FANCA: variants seen among roughly 807,000 people sequenced by gnomAD.
The protein encoded by FANCA is Fanconi anemia group A protein.
Under a neutral mutation model 194.3 loss-of-function variants are expected in FANCA, and 236 were observed. The ratio of observed to expected loss-of-function variants is 1.21; its 90% CI spans 1.09 to 1.35. The LOEUF is 1.35. FANCA is among the 40% of genes most tolerant of loss of function. The pLI, the probability that FANCA is intolerant of heterozygous loss-of-function variation, is 0.00. For missense variants in FANCA, 2,628 were observed against 1,813.9 expected (o/e 1.45, Z -8.15); for synonymous variants, 1,014 against 715.8 (o/e 1.42, Z -6.65).
chr16:89,748,333 G>T (rs2038462080), intron 33 of FANCA, among the ~76,000 whole-genome samples: 1 of 152,220 alleles, frequency 6.6e-6, no homozygotes, highest in South Asian at 2.1e-4. Context: ...AGCATGTTGA[G>T]ATTAGAAATA....
At chr16:89,765,697 G>T (rs554658340) in intron 27 of FANCA, among the ~76,000 whole-genome samples, 1 of 152,390 alleles carries the variant, frequency 6.6e-6, no homozygotes, top group South Asian at 2.1e-4. Flanking sequence ...TGCCCCCGAG[G>T]AGATGAGAGC....
At chr16:89,744,651 C>CA (rs1800656305) in intron 36 of FANCA, 3 of 403,534 alleles carry the variant, frequency 7.4e-6, no homozygotes, top group East Asian at 1.1e-4. Flanking sequence ...TCAGACGAGA[C>CA]ACTGGCAGAG....
rs1447363475 is a variant in FANCA, at chr16:89,795,941, A to C, written c.971T>G (p.Leu324Arg). 10 of 1,614,148 alleles carry C rather than the reference A, an allele frequency of 6.2e-6. No individual in the cohort carries two copies. The highest frequency in any genetic ancestry group is 8.5e-6 in the Non-Finnish European group (10 of 1,179,984). ...DPLKRFFSHT[L>R]TQILTHSPVL... ...AGGGCTGTGAGTGAGTATCTGAGTC[A>C]GGGTATGACTGAAGAACCTCTTCAG... Residue 324 changes from leucine (L) to arginine (R), a missense_variant, in exon 11 of 43, where the codon CTG becomes CGG. Coordinates refer to ENST00000389301, the MANE Select transcript of FANCA (RefSeq NM_000135.4).
chr16:89,799,086 G>C lies in FANCA; in HGVS notation c.893+80C>G, dbSNP rs754305250. Reference sequence around the variant, plus strand: ...GGAGCGGGCTGCTGAAGCTCTGGAAGTGTTTAAAATATCTTGGCTCTTTAA... The same window carrying C: ...GGAGCGGGCTGCTGAAGCTCTGGAACTGTTTAAAATATCTTGGCTCTTTAA... On this transcript the variant is annotated intron_variant, in intron 10 of 42. Coordinates refer to ENST00000389301, the MANE Select transcript of FANCA (RefSeq NM_000135.4). 2.5e-6 allele frequency: 4 copies of C among 1,614,222 alleles called. No individual in the cohort carries two copies. The South Asian group carries it at 3.3e-5, about 13-fold the overall frequency.
At chr16:89,796,533 G>T (rs2040254398) in intron 10 of FANCA, among the ~76,000 whole-genome samples, 1 of 152,190 alleles carries the variant, frequency 6.6e-6, no homozygotes, top group Non-Finnish European at 1.5e-5. Flanking sequence ...GGTTTCCTGG[G>T]CCATCTGTGT....
In FANCA at chr16:89,739,183, T is replaced by C. The variant is rs753944130; in HGVS notation, c.4117A>G (p.Thr1373Ala). 1.5e-5 allele frequency: 24 copies of C among 1,614,028 alleles called. No individual in the cohort carries two copies. In the Admixed American group the frequency reaches 3.8e-4, roughly 26 times the overall value. ...KLVQLFVAGD[T>A]STVSPPAGRS... ...CCAGCTGGAGGTGAAACTGTGCTTG[T>C]ATCCCCAGCCACGAAGAGCTGGACC... is the stretch of plus-strand genomic sequence containing the variant. The change falls in exon 41 of 43, where the codon ACA becomes GCA. Residue 1373 changes from threonine (T) to alanine (A), a missense_variant. Transcript: ENST00000389301.
chr16:89,757,158 A>G (rs894347129), intron 30 of FANCA, among the ~76,000 whole-genome samples: 8 of 151,542 alleles, frequency 5.3e-5, no homozygotes, highest in Non-Finnish European at 1.2e-4. Context: ...TTTTTTGTCT[A>G]GACGGTTTCA....
chr16:89,811,040 C>CA lies in FANCA; in HGVS notation c.314dup (p.Val107GlyfsTer14). 6.2e-7 allele frequency: 1 copy of CA among 1,614,060 alleles called. No individual in the cohort carries two copies. Among genetic ancestry groups the CA allele is most frequent in the Non-Finnish European group, 8.5e-7 (1 of 1,180,038 alleles). On this transcript the variant is annotated frameshift_variant, in exon 4 of 43. Transcript: ENST00000389301. LOFTEE classifies it high-confidence loss of function. ...CTGAGAGAATACCCACGGGAACCCC[C>CA]AGCCTTGAGGCTTGATCCTGCAAAG...
At position 89,799,190 on chromosome 16, in the gene FANCA, G is replaced by T. The variant is rs185984960; in HGVS notation, c.869C>A (p.Ser290Tyr). The change falls in exon 10 of 43, where the codon TCC becomes TAC. Residue 290 changes from serine to tyrosine, a missense_variant. Transcript: ENST00000389301. ...CCAGCACCTCACGATCTTGTGAGTGGAGGACTCCTCCTGTACTCCAGCAGC... is the reference window on the plus strand; with the variant it reads ...CCAGCACCTCACGATCTTGTGAGTGTAGGACTCCTCCTGTACTCCAGCAGC... ...ALAAGVQEES[S>Y]THKIVRCWFG... The T allele has an allele frequency of 6.3e-5, 102 of 1,614,156 alleles. No individual in the cohort carries two copies. The highest frequency in any genetic ancestry group is 8.1e-5 in the Non-Finnish European group (96 of 1,180,044).
At position 89,738,164 on chromosome 16, in the gene FANCA, C is replaced by T. The variant is rs747111210; in HGVS notation, c.*437G>A. 8.1e-6 allele frequency: 13 copies of T among 1,613,130 alleles called. No individual in the cohort carries two copies. Among genetic ancestry groups the T allele is most frequent in the Non-Finnish European group, 1.1e-5 (13 of 1,179,920 alleles). ...ACACAGACCCAGGACAAGGCCCTGCCCCTGGAGGCGGAACCACCACCTGGG... is the reference window on the plus strand; with the variant it reads ...ACACAGACCCAGGACAAGGCCCTGCTCCTGGAGGCGGAACCACCACCTGGG... On this transcript the variant is annotated 3_prime_UTR_variant, in exon 43 of 43. Coordinates refer to ENST00000389301, the MANE Select transcript of FANCA (RefSeq NM_000135.4).
chr16:89,752,681 G>A (rs1178703436), intron 30 of FANCA, among the ~76,000 whole-genome samples: 2 of 152,202 alleles, frequency 1.3e-5, no homozygotes, highest in African/African-American at 2.4e-5. Context: ...ACAGAGATAG[G>A]AGCTGAGGGG....
intron 5 of FANCA, among the ~76,000 whole-genome samples, chr16:89,809,938 A>G (rs2040811312): frequency 6.6e-6 from 1 of 152,118 alleles, no homozygotes; most frequent in South Asian, 2.1e-4. Context: ...AGGCAGGACA[A>G]TCGCTTGAAC....
chr16:89,799,275 G>A (rs1472291485), intron 9 of FANCA, 43 bp from the exon 10 acceptor site: 2 of 1,610,602 alleles, frequency 1.2e-6, no homozygotes, highest in South Asian at 1.1e-5. Flanking sequence ...TCAGCACACG[G>A]CGGCAGCCCA....
At chr16:89,767,265 T>G in intron 26 of FANCA, 28 bp from the exon 27 acceptor site, 1 of 1,479,128 alleles carries the variant, frequency 6.8e-7, no homozygotes, top group Non-Finnish European at 9.4e-7. Context: ...AACATATAAA[T>G]GTAATCCATA....
chr16:89,794,596 T>A (rs1018898105), intron 11 of FANCA, among the ~76,000 whole-genome samples: 2 of 152,124 alleles, frequency 1.3e-5, no homozygotes, highest in Admixed American at 6.6e-5. Context: ...ATGGTGGGGA[T>A]GCTGTTCAAA....
intron 28 of FANCA, among the ~76,000 whole-genome samples, chr16:89,762,948 A>AAG (rs2039002490): frequency 3.8e-5 from 1 of 26,500 alleles, no homozygotes; most frequent in Non-Finnish European, 5.6e-5. Context: ...TAAAAATACG[A>AAG]AAAAAAAAAA....
intron 11 of FANCA, 93 bp from the exon 12 acceptor site, chr16:89,792,640 C>A: frequency 9.6e-7 from 1 of 1,044,724 alleles, no homozygotes; most frequent in Non-Finnish European, 1.5e-6. Context: ...CGGTGGGTCT[C>A]TCCCCGTGTG....
chr16:89,749,051 G>T (rs1407252205), intron 32 of FANCA, among the ~76,000 whole-genome samples: 1 of 152,202 alleles, frequency 6.6e-6, no homozygotes, highest in Non-Finnish European at 1.5e-5. Context: ...TAACCAAGTG[G>T]ATGACGCACC....
At chr16:89,805,075 T>C (rs1191082903) in intron 7 of FANCA, among the ~76,000 whole-genome samples, 1 of 152,034 alleles carries the variant, frequency 6.6e-6, no homozygotes, top group Admixed American at 6.6e-5. Context: ...CTTAAACTCA[T>C]GTCAAGGCCG....
Sources: gnomAD v4.1 joint callset for allele counts (sites outside exome capture counted in the v4.1 genomes callset) on GRCh38, gnomAD v4.1.1 for gene constraint, MANE v1.5 for transcripts, NCBI Gene and HGNC (gene_info 2026-07-23, HGNC 2026-07-21) for gene names.